Variants in DNAJB4 observed in about 807,000 individuals in gnomAD.
DNAJB4 encodes the protein dnaJ homolog subfamily B member 4.
A neutral mutation model predicts 26.6 loss-of-function variants in DNAJB4; 10 were observed. The ratio of observed to expected loss-of-function variants is 0.38; its 90% CI spans 0.23 to 0.64. DNAJB4 has a LOEUF of 0.64. DNAJB4 is among the 30% of genes least tolerant of loss of function. The pLI is 0.58. For synonymous variants in DNAJB4, 136 were observed against 134.8 expected, an observed-to-expected ratio of 1.01 and a Z score of -0.06; for missense variants, 328 against 408.2, an observed-to-expected ratio of 0.80 and a Z score of 1.69.
upstream of DNAJB4, among the ~76,000 whole-genome samples, chr1:78,001,906 A>C (rs966770406): frequency 6.6e-6 from 1 of 152,224 alleles, no homozygotes; most frequent in Admixed American, 6.5e-5. Flanking sequence ...CAAAGTAAAA[A>C]TTTAAAAATG....
intron 1 of DNAJB4, among the ~76,000 whole-genome samples, chr1:77,991,568 G>A (rs1659932131): frequency 6.8e-6 from 1 of 146,422 alleles, no homozygotes; most frequent in African/African-American, 2.5e-5. Context: ...GCAACATAGT[G>A]CAACCCCTCC....
intron 1 of DNAJB4, among the ~76,000 whole-genome samples, chr1:77,991,805 T>G (rs1312787862): frequency 2.0e-5 from 3 of 152,242 alleles, no homozygotes; most frequent in Non-Finnish European, 4.4e-5. Flanking sequence ...ACAAGAAGGC[T>G]GTGATGTGCC....
rs1040300562 is a variant in DNAJB4 at position 78,016,506 on chromosome 1, G to A, written c.*259G>A. ...TTTAGTAATTTGCTTATATGTAAAA[G>A]TTGTTTTTGTGGAGTCAGTGGATAT... On this transcript the variant is annotated 3_prime_UTR_variant, in exon 3 of 3. Coordinates refer to ENST00000370763, the MANE Select transcript of DNAJB4 (RefSeq NM_007034.5). 1 of 441,836 alleles carries A rather than the reference G, an allele frequency of 2.3e-6. No homozygotes were observed. The highest frequency in any genetic ancestry group is 2.0e-5 in the African/African-American group (1 of 49,914). The allele number at this position is 441,836 out of a possible 1,614,324, so 27.4% of individuals were successfully genotyped here.
chr1:78,003,215 T>C (rs1660234263), upstream of DNAJB4, among the ~76,000 whole-genome samples: 1 of 152,142 alleles, frequency 6.6e-6, no homozygotes, highest in African/African-American at 2.4e-5. Context: ...TTTGGCAATA[T>C]GCTTTTTAAA....
chr1:77,987,947 A>G (rs1004164791), intron 1 of DNAJB4, among the ~76,000 whole-genome samples: 6 of 147,894 alleles, frequency 4.1e-5, no homozygotes, highest in Non-Finnish European at 3.0e-5. Flanking sequence ...TAAAGATTTT[A>G]TATATATACA....
upstream of DNAJB4, chr1:77,979,714 T>C (rs1469400593): frequency 6.6e-6 from 1 of 152,264 alleles, no homozygotes; most frequent in Non-Finnish European, 1.5e-5. Context: ...AGCCTGTTAG[T>C]TCTCGACCAT....
intron 1 of DNAJB4, among the ~76,000 whole-genome samples, chr1:78,005,692 G>T (rs913816564): frequency 1.3e-5 from 2 of 152,140 alleles, no homozygotes; most frequent in African/African-American, 4.8e-5. Flanking sequence ...GTTTTCTAAT[G>T]AATTTTCTGC....
chr1:78,015,125 A>G (rs747069540), intron 2 of DNAJB4, among the ~76,000 whole-genome samples: 4 of 152,090 alleles, frequency 2.6e-5, no homozygotes, highest in African/African-American at 9.7e-5. Context: ...GTTTGCTTCT[A>G]TGTTTCTGTG....
intron 2 of DNAJB4, 143 bp from the exon 3 acceptor site, chr1:78,015,871 G>GA: frequency 1.3e-5 from 10 of 792,914 alleles, no homozygotes; most frequent in Admixed American, 3.0e-5. Context: ...TTCTAATGAG[G>GA]AAAAAAAATT....
chr1:77,996,508 T>C (rs1241380640), intron 1 of DNAJB4, among the ~76,000 whole-genome samples: 1 of 152,186 alleles, frequency 6.6e-6, no homozygotes, highest in African/African-American at 2.4e-5. Context: ...TCTCCAAATC[T>C]AGTAATTTCT....
chr1:78,009,592 T>C (rs1660415525), intron 1 of DNAJB4, among the ~76,000 whole-genome samples: 1 of 152,228 alleles, frequency 6.6e-6, no homozygotes, highest in South Asian at 2.1e-4. Flanking sequence ...AAAATGTACA[T>C]GATTAAGAAC....
Position 78,005,322 on chromosome 1 carries a change from G to A in DNAJB4, c.211+1G>A. On this transcript the variant is annotated splice_donor_variant, in intron 1 of 2. Transcript: ENST00000370763. LOFTEE classifies it high-confidence loss of function. The stretch of plus-strand genomic sequence containing the variant: ...ATATATGATCAGTTTGGGGAGGAAG[G>A]TAAGTATTCTCTGTATATCTTTCTG... 1.9e-6 allele frequency: 3 copies of A among 1,609,446 alleles called. No homozygotes were observed. Among genetic ancestry groups the A allele is most frequent in the Non-Finnish European group, 2.5e-6 (3 of 1,178,218 alleles).
At chr1:78,005,359 CTG>C (rs1418052884) in intron 1 of DNAJB4, 38 bp downstream of exon 1, 8 of 1,408,018 alleles carry the variant, frequency 5.7e-6, no homozygotes, top group South Asian at 4.1e-5. Flanking sequence ...CTCTTCAGCT[CTG>C]TCTCTTTTTT....
chr1:78,009,107 A>G (rs1222388829), intron 1 of DNAJB4, among the ~76,000 whole-genome samples: 1 of 151,910 alleles, frequency 6.6e-6, no homozygotes, highest in African/African-American at 2.4e-5. Flanking sequence ...AGCTAGCTGG[A>G]TTTTTTTTAA....
At chr1:78,010,357 C>A (rs756496358) in intron 1 of DNAJB4, among the ~76,000 whole-genome samples, 1 of 151,646 alleles carries the variant, frequency 6.6e-6, no homozygotes, top group Non-Finnish European at 1.5e-5. Flanking sequence ...TTGGTCATGA[C>A]CTTGAGCTAC....
chr1:77,991,001 G>T (rs138799863), intron 1 of DNAJB4, among the ~76,000 whole-genome samples: 2 of 152,132 alleles, frequency 1.3e-5, no homozygotes, highest in African/African-American at 4.8e-5. Context: ...AAGGTGATGT[G>T]TAATACAGTG....
At chr1:77,983,333 G>A (rs983960518) in intron 1 of DNAJB4, among the ~76,000 whole-genome samples, 3 of 152,116 alleles carry the variant, frequency 2.0e-5, no homozygotes, top group Non-Finnish European at 4.4e-5. Flanking sequence ...GCCCAGGGAT[G>A]GGCAGGAGAC....
At chr1:78,008,172 T>C (rs1409118553) in intron 1 of DNAJB4, among the ~76,000 whole-genome samples, 1 of 151,924 alleles carries the variant, frequency 6.6e-6, no homozygotes, top group Admixed American at 6.6e-5. Flanking sequence ...CTTTGCAACA[T>C]AGCAAGACCC....
At chr1:78,002,758 T>C (rs557793917), upstream of DNAJB4, among the ~76,000 whole-genome samples, 295 of 152,314 alleles carry the variant, frequency 1.9e-3, 1 homozygote, top group African/African-American at 6.6e-3. Context: ...TGCTTTCTTA[T>C]TAACTTGAAA....
Sources: gnomAD v4.1 joint callset for allele counts (sites outside exome capture counted in the v4.1 genomes callset) on GRCh38, gnomAD v4.1.1 for gene constraint, MANE v1.5 for transcripts, NCBI Gene and HGNC (gene_info 2026-07-23, HGNC 2026-07-21) for gene names.